IL1R1: variants seen among roughly 807,000 people sequenced by gnomAD.
IL1R1 encodes the protein interleukin 1 receptor type 1.
In IL1R1, 22 loss-of-function variants were observed where a neutral mutation model predicts 50.2. The ratio of observed to expected loss-of-function variants is 0.44; its 90% confidence interval spans 0.31 to 0.63. IL1R1 has a LOEUF of 0.63. IL1R1 is among the 20% of genes least tolerant of loss of function. IL1R1 has a pLI of 0.07. For missense variants in IL1R1, 509 were observed against 676.2 expected (o/e 0.75, Z 2.74); for synonymous variants, 251 against 236.7 (o/e 1.06, Z -0.55).
rs1322165937 is a variant in IL1R1 at position 102,115,278 on chromosome 2, A to C, written c.-84+10406A>C. ...AGTAAACAAGAAGCTGGTTAGACCA[A>C]GCCTGTCCATAGTGATTGCCAAATC... On this transcript the variant is annotated intron_variant, in intron 1 of 10. Coordinates refer to the IL1R1 transcript ENST00000409329. 2.6e-5 allele frequency among the ~76,000 whole-genome samples: 4 copies of C among 152,314 alleles called. 1 individual carries two copies. In the East Asian group the frequency reaches 7.7e-4, roughly 29 times the overall value.
At chr2:102,119,472 C>T (rs113512713) in intron 1 of IL1R1, among the ~76,000 whole-genome samples, 482 of 152,332 alleles carry the variant, frequency 3.2e-3, no homozygotes, top group Non-Finnish European at 4.9e-3. Flanking sequence ...TTTCAGAATG[C>T]AGTTGTTGCA....
Position 102,107,422 on chromosome 2 carries a change from C to T in IL1R1, c.-84+2550C>T, listed in dbSNP as rs193129470. 1.5e-4 allele frequency among the ~76,000 whole-genome samples: 22 copies of T among 148,358 alleles called. No individual in the cohort carries two copies. The East Asian group carries it at 3.3e-3, about 22-fold the overall frequency. ...AAACCAAACGCCGCATATTCTCACTCGTAGGTGGGAATTGAACAATGAGAA... is the reference window on the plus strand; with the variant it reads ...AAACCAAACGCCGCATATTCTCACTTGTAGGTGGGAATTGAACAATGAGAA... On this transcript the variant is annotated intron_variant, in intron 1 of 10. Transcript: ENST00000409329.
intron 1 of IL1R1, among the ~76,000 whole-genome samples, chr2:102,081,289 C>T (rs1015877356): frequency 6.6e-6 from 1 of 152,036 alleles, no homozygotes; most frequent in Non-Finnish European, 1.5e-5. Context: ...GAGATTTTTG[C>T]AAATCCTGCA....
chr2:102,176,037 G>C, intron 11 of IL1R1: 2 of 449,556 alleles, frequency 4.4e-6, no homozygotes, highest in South Asian at 5.9e-5. Context: ...CTATAAAATG[G>C]GAGGTTTGCA....
intron 1 of IL1R1, among the ~76,000 whole-genome samples, chr2:102,081,386 T>C (rs1480430981): frequency 6.6e-6 from 1 of 152,130 alleles, no homozygotes; most frequent in Non-Finnish European, 1.5e-5. Flanking sequence ...TCTGGTGCTC[T>C]CCCAAGATCC....
At chr2:102,109,308 A>G (rs918175537) in intron 1 of IL1R1, among the ~76,000 whole-genome samples, 1 of 152,164 alleles carries the variant, frequency 6.6e-6, no homozygotes, top group African/African-American at 2.4e-5. Flanking sequence ...CTAAAGGAAC[A>G]TGCACTCTTC....
intron 1 of IL1R1, among the ~76,000 whole-genome samples, chr2:102,086,606 G>C (rs1679441067): frequency 6.6e-6 from 1 of 151,884 alleles, no homozygotes; most frequent in African/African-American, 2.4e-5. Context: ...TTTTTCAACA[G>C]ACTTTTTTTC....
At chr2:102,151,125 C>T (rs189198098) in intron 1 of IL1R1, among the ~76,000 whole-genome samples, 1 of 152,226 alleles carries the variant, frequency 6.6e-6, no homozygotes, top group African/African-American at 2.4e-5. Flanking sequence ...ACCTAGTATG[C>T]CTTCTGGCAG....
chr2:102,075,612 G>A (rs563895125), intron 1 of IL1R1, among the ~76,000 whole-genome samples: 6 of 152,278 alleles, frequency 3.9e-5, no homozygotes, highest in African/African-American at 1.4e-4. Flanking sequence ...TGCATATATT[G>A]CATGCAACTG....
chr2:102,093,353 G>A (rs574738611), intron 1 of IL1R1, among the ~76,000 whole-genome samples: 1 of 152,320 alleles, frequency 6.6e-6, no homozygotes, highest in Non-Finnish European at 1.5e-5. Flanking sequence ...TTTCTTTGGG[G>A]TATTTTGAAG....
intron 1 of IL1R1, among the ~76,000 whole-genome samples, chr2:102,087,549 T>C (rs1266674289): frequency 6.6e-6 from 1 of 152,206 alleles, no homozygotes; most frequent in Non-Finnish European, 1.5e-5. Flanking sequence ...TTCTCGTGCA[T>C]CAGGGGAGGG....
intron 1 of IL1R1, among the ~76,000 whole-genome samples, chr2:102,073,535 G>A (rs911265091): frequency 1.7e-4 from 26 of 152,112 alleles, no homozygotes; most frequent in Non-Finnish European, 3.2e-4. Context: ...ATGATTGACA[G>A]GGAAGCACTG....
chr2:102,174,741 G>C lies in IL1R1; in HGVS notation c.1135+11G>C. On this transcript the variant is annotated intron_variant, in intron 10 of 11. Coordinates refer to ENST00000410023, the MANE Select transcript of IL1R1 (RefSeq NM_000877.4). Reference sequence around the variant, plus strand: ...TTCTCCCAATAAAAGGTATAATTTTGTATTCCATGCAGTATTTCTTGTTGG... The same window carrying C: ...TTCTCCCAATAAAAGGTATAATTTTCTATTCCATGCAGTATTTCTTGTTGG... 2 of 1,601,592 alleles carry C rather than the reference G, an allele frequency of 1.2e-6. No individual in the cohort carries two copies. The highest frequency in any genetic ancestry group is 1.7e-4 in the Middle Eastern group (1 of 6,002).
chr2:102,089,520 T>C (rs1679567588), intron 1 of IL1R1, among the ~76,000 whole-genome samples: 1 of 152,178 alleles, frequency 6.6e-6, no homozygotes, highest in Non-Finnish European at 1.5e-5. Flanking sequence ...GACACAGAGA[T>C]ATGAAGTTAC....
At chr2:102,123,638 C>G (rs1208267646) in intron 1 of IL1R1, among the ~76,000 whole-genome samples, 2 of 151,884 alleles carry the variant, frequency 1.3e-5, no homozygotes, top group Non-Finnish European at 2.9e-5. Flanking sequence ...GTTAGCTGGT[C>G]ATGGTGGCGT....
intron 1 of IL1R1, among the ~76,000 whole-genome samples, chr2:102,083,016 C>A (rs1353125122): frequency 6.6e-6 from 1 of 152,108 alleles, no homozygotes; most frequent in Non-Finnish European, 1.5e-5. Context: ...GATTCCTGGT[C>A]ATGAGGACCA....
At chr2:102,172,891 A>G (rs1490530544) in intron 9 of IL1R1, 53 bp downstream of exon 9, 7 of 1,339,740 alleles carry the variant, frequency 5.2e-6, no homozygotes, top group Admixed American at 4.0e-5. Flanking sequence ...GTAAGATTCC[A>G]TGACTTTGAA....
intron 1 of IL1R1, among the ~76,000 whole-genome samples, chr2:102,111,304 G>A (rs1046911921): frequency 1.3e-5 from 2 of 152,162 alleles, no homozygotes; most frequent in Non-Finnish European, 2.9e-5. Flanking sequence ...AGACTGTGTT[G>A]TATTTGCCAC....
chr2:102,167,933 T>C (rs1685342526), intron 6 of IL1R1, among the ~76,000 whole-genome samples: 1 of 152,180 alleles, frequency 6.6e-6, no homozygotes, highest in South Asian at 2.1e-4. Context: ...TTTCAGGAAC[T>C]GTAATAGGTA....
Sources: gnomAD v4.1 joint callset for allele counts (sites outside exome capture counted in the v4.1 genomes callset) on GRCh38, gnomAD v4.1.1 for gene constraint, MANE v1.5 for transcripts, NCBI Gene and HGNC (gene_info 2026-07-23, HGNC 2026-07-21) for gene names.